SLC35A3: variants seen among roughly 807,000 people sequenced by gnomAD.
The protein encoded by SLC35A3 is UDP-N-acetylglucosamine transporter.
In SLC35A3, 26 loss-of-function variants were observed where a neutral mutation model predicts 39.0. That is an observed-to-expected ratio of 0.67 (90% CI 0.49 to 0.92). SLC35A3 has a LOEUF of 0.92. Ranked by LOEUF, SLC35A3 falls within the 40% of genes least tolerant of loss-of-function variation. The probability of loss-of-function intolerance (pLI) is 0.00; values close to 1 mark genes in which losing one functional copy is unlikely to be tolerated. For synonymous variants in SLC35A3, 135 were observed against 133.1 expected (o/e 1.01, Z -0.10); for missense variants, 299 against 371.6 (o/e 0.80, Z 1.61).
At position 100,034,389 on chromosome 1, in the gene SLC35A3, T is replaced by A. The variant is rs1489353092; in HGVS notation, c.*11913T>A. ...CTCATTTTACATCTTACTATTGAGT[T>A]TAAAAATTTTTATTTGCTGTGTTCT... On this transcript the variant is annotated 3_prime_UTR_variant, in exon 8 of 8. Transcript: ENST00000533028. The A allele has an allele frequency of 4.6e-5, 7 of 152,210 alleles. No homozygotes were observed. Among genetic ancestry groups the A allele is most frequent in the Non-Finnish European group, 8.8e-5 (6 of 68,026 alleles). 9.4% of individuals were successfully genotyped at this position (152,210 alleles called of 1,614,324 possible).
chr1:100,010,057 A>G (rs963112119), intron 4 of SLC35A3, among the ~76,000 whole-genome samples: 12 of 152,202 alleles, frequency 7.9e-5, no homozygotes, highest in Non-Finnish European at 1.3e-4. Context: ...ATTAGTTAAA[A>G]TTAAATTAAA....
intron 1 of SLC35A3, chr1:99,970,605 G>T: frequency 6.5e-7 from 1 of 1,536,150 alleles, no homozygotes; most frequent in South Asian, 1.2e-5. Context: ...TGGAGCTCAA[G>T]AAGCCGCAGG....
chr1:99,979,873 G>A (rs772012101), intron 1 of SLC35A3, among the ~76,000 whole-genome samples: 6 of 151,786 alleles, frequency 4.0e-5, no homozygotes, highest in South Asian at 2.1e-4. Context: ...GTGAAACCCC[G>A]TCTCTACTAG....
At position 100,011,683 on chromosome 1, in the gene SLC35A3, ATTATTTATTTATTTATTTATTTATTTAT is replaced by A. The variant is rs143297934; in HGVS notation, c.634+177_634+204del. On this transcript the variant is annotated intron_variant, in intron 5 of 7. Coordinates refer to ENST00000533028, the MANE Select transcript of SLC35A3 (RefSeq NM_012243.3). ...ATGCTCTTGTCTTTTAAAACATTTT[ATTATTTATTTATTTATTTATTTATTTAT>A]TTATTTATTTATTTATTTATTTATT... The A allele has an allele frequency of 0.041, 6,992 of 170,036 alleles. 201 individuals are homozygous for A. Among genetic ancestry groups the A allele is most frequent in the African/African-American group, 0.063 (2,428 of 38,794 alleles). 10.5% of individuals were successfully genotyped at this position (170,036 alleles called of 1,614,324 possible). A position where few individuals can be genotyped will look rare whatever the true frequency, so the allele number is the denominator to read the frequency against.
intron 7 of SLC35A3, 122 bp downstream of exon 7, chr1:100,017,937 C>T: frequency 2.0e-6 from 1 of 492,212 alleles, no homozygotes; most frequent in East Asian, 3.7e-5. Flanking sequence ...ATTTATTTAA[C>T]TATGTTTTAA....
At chr1:99,984,309 C>T (rs1233544584) in intron 1 of SLC35A3, among the ~76,000 whole-genome samples, 1 of 152,234 alleles carries the variant, frequency 6.6e-6, no homozygotes, top group African/African-American at 2.4e-5. Context: ...ATCCTCATAG[C>T]TTAGCTCCCA....
At chr1:99,980,090 T>TTATA in intron 1 of SLC35A3, among the ~76,000 whole-genome samples, 1 of 151,898 alleles carries the variant, frequency 6.6e-6, no homozygotes, top group East Asian at 1.9e-4. Flanking sequence ...ATTGAAGTGT[T>TTATA]TATATATATA....
intron 1 of SLC35A3, chr1:99,975,000 G>C (rs1570559933): frequency 6.6e-6 from 1 of 151,226 alleles, no homozygotes; most frequent in East Asian, 1.9e-4. Flanking sequence ...CTGGAGTACA[G>C]AGGCGCAATC....
intron 2 of SLC35A3, among the ~76,000 whole-genome samples, chr1:99,999,041 T>C (rs1446122832): frequency 6.6e-6 from 1 of 152,164 alleles, no homozygotes; most frequent in African/African-American, 2.4e-5. Context: ...ATAAGATACA[T>C]TTGATTATAT....
chr1:100,022,237 G>A (rs958564425), intron 7 of SLC35A3, 149 bp from the exon 8 acceptor site: 17 of 518,324 alleles, frequency 3.3e-5, no homozygotes, highest in Non-Finnish European at 5.1e-5. Context: ...CCAGATACCT[G>A]GAATGTAGTA....
In SLC35A3 at chr1:100,017,815, G is replaced by A. The variant is rs1310530690; in HGVS notation, c.887G>A (p.Ser296Asn). The change falls in exon 7 of 8, where the codon AGT (serine) becomes AAT (asparagine). Residue 296 changes from serine to asparagine, a missense_variant and splice_region_variant. Transcript: ENST00000533028. ...TGGCTTCAAGATTTTGTGCCAACCAGGTAAAATGTTCTTTTCTATTTTTTT... is the reference window on the plus strand; with the variant it reads ...TGGCTTCAAGATTTTGTGCCAACCAAGTAAAATGTTCTTTTCTATTTTTTT... ...YFWLQDFVPT[S>N]VFFLGAILVI... 6.5e-7 allele frequency: 1 copy of A among 1,545,642 alleles called. No individual in the cohort carries two copies. Among genetic ancestry groups the A allele is most frequent in the Admixed American group, 2.1e-5 (1 of 46,812 alleles).
chr1:99,974,324 C>T (rs1656984934), intron 1 of SLC35A3, among the ~76,000 whole-genome samples: 1 of 152,066 alleles, frequency 6.6e-6, no homozygotes, highest in African/African-American at 2.4e-5. Context: ...CTACAAAATA[C>T]ATACTATTAC....
At position 100,034,891 on chromosome 1, in the gene SLC35A3, CT is replaced by C. The variant is rs1401144297; in HGVS notation, c.*12416del. 1.3e-5 allele frequency: 2 copies of C among 152,130 alleles called. No homozygotes were observed. The highest frequency in any genetic ancestry group is 2.9e-5 in the Non-Finnish European group (2 of 68,038). 9.4% of individuals were successfully genotyped at this position (152,130 alleles called of 1,614,324 possible). A position where few individuals can be genotyped will look rare whatever the true frequency, so the allele number is the denominator to read the frequency against. On this transcript the variant is annotated 3_prime_UTR_variant, in exon 8 of 8. Coordinates refer to ENST00000533028, the MANE Select transcript of SLC35A3 (RefSeq NM_012243.3). ...CATTGGTTTCTGCTTGTTTCTAAGC[CT>C]GATTCTTGGCCTTCTCATTAATTTT...
At chr1:99,994,598 G>A (rs575025633) in intron 2 of SLC35A3, among the ~76,000 whole-genome samples, 3 of 152,220 alleles carry the variant, frequency 2.0e-5, no homozygotes, top group South Asian at 2.1e-4. Context: ...ATTTGTTCAC[G>A]TTGTAACATG....
Position 100,016,353 on chromosome 1 carries a change from C to G in SLC35A3, c.753+933C>G, listed in dbSNP as rs1375496036. Among the ~76,000 whole-genome samples, 3 of 149,166 alleles carry G rather than the reference C, an allele frequency of 2.0e-5. No individual in the cohort carries two copies. The East Asian group carries it at 6.0e-4, about 30-fold the overall frequency. On this transcript the variant is annotated intron_variant, in intron 6 of 7. Coordinates refer to ENST00000533028, the MANE Select transcript of SLC35A3 (RefSeq NM_012243.3). ...TGCTGGGATTACAGGTGTGAGCCACCGCGCCCGGCCCGGATACTTCTATTT... is the reference window on the plus strand; with the variant it reads ...TGCTGGGATTACAGGTGTGAGCCACGGCGCCCGGCCCGGATACTTCTATTT...
In SLC35A3 at chr1:100,030,924, A is replaced by G. The variant is rs551555286; in HGVS notation, c.*8448A>G. ...ATAGAATTATAGAAAATCATGAAAG[A>G]TGTGTGCCCATGTTTCATTTTATAA... On this transcript the variant is annotated 3_prime_UTR_variant, in exon 8 of 8. Transcript: ENST00000533028. 1 of 152,168 alleles carries G rather than the reference A, an allele frequency of 6.6e-6. No homozygotes were observed. The highest frequency in any genetic ancestry group is 1.9e-4 in the East Asian group (1 of 5,192). 9.4% of individuals were successfully genotyped at this position (152,168 alleles called of 1,614,324 possible). A position where few individuals can be genotyped will look rare whatever the true frequency, so the allele number is the denominator to read the frequency against.
chr1:100,010,362 A>G (rs1005750106), intron 4 of SLC35A3, among the ~76,000 whole-genome samples: 2 of 152,234 alleles, frequency 1.3e-5, no homozygotes, highest in Admixed American at 6.5e-5. Flanking sequence ...TTTGGTCGCT[A>G]TGAAAAGTAC....
chr1:99,989,533 C>G (rs976463164), intron 1 of SLC35A3, among the ~76,000 whole-genome samples: 1 of 152,176 alleles, frequency 6.6e-6, no homozygotes, highest in African/African-American at 2.4e-5. Context: ...ATCCACCCAC[C>G]TCGGCCTCCC....
At chr1:99,994,420 AC>A (rs1658266761) in intron 2 of SLC35A3, among the ~76,000 whole-genome samples, 1 of 152,040 alleles carries the variant, frequency 6.6e-6, no homozygotes, top group African/African-American at 2.4e-5. Context: ...ACTTTAAACA[AC>A]AACTTTGTAA....
Sources: allele counts gnomAD v4.1 joint callset (sites outside exome capture counted in the v4.1 genomes callset), GRCh38; gene constraint gnomAD v4.1.1; transcripts MANE v1.5; gene names NCBI Gene and HGNC (gene_info 2026-07-23, HGNC 2026-07-21).